Variants in B3GALT1 observed in about 807,000 individuals in gnomAD.
B3GALT1 encodes beta-1,3-galactosyltransferase 1.
Under a neutral mutation model 23.2 loss-of-function variants are expected in B3GALT1, and 10 were observed. That is an observed-to-expected ratio of 0.43 (90% CI 0.27 to 0.73). B3GALT1 has a LOEUF of 0.73. Ranked by LOEUF, B3GALT1 falls within the 30% of genes least tolerant of loss-of-function variation. B3GALT1 has a pLI of 0.21. For missense variants in B3GALT1, 299 were observed against 405.4 expected, an observed-to-expected ratio of 0.74 and a Z score of 2.25; for synonymous variants, 156 against 141.5, an observed-to-expected ratio of 1.10 and a Z score of -0.73.
intron 2 of B3GALT1, among the ~76,000 whole-genome samples, chr2:167,592,187 A>T (rs1298314173): frequency 6.6e-6 from 1 of 152,178 alleles, no homozygotes; most frequent in Non-Finnish European, 1.5e-5. Flanking sequence ...CTGGAATTCA[A>T]AGTGGAGATC....
At chr2:167,493,280 A>G (rs1382159777) in intron 2 of B3GALT1, among the ~76,000 whole-genome samples, 14 of 152,154 alleles carry the variant, frequency 9.2e-5, no homozygotes. Flanking sequence ...GATGATACCA[A>G]CTTCACTGGT....
At chr2:167,458,555 A>G (rs1016568032) in intron 1 of B3GALT1, among the ~76,000 whole-genome samples, 6 of 152,210 alleles carry the variant, frequency 3.9e-5, no homozygotes, top group African/African-American at 1.4e-4. Context: ...CACCAGCTGT[A>G]CTATTGTACG....
intron 3 of B3GALT1, among the ~76,000 whole-genome samples, chr2:167,752,671 G>C (rs1035733927): frequency 7.0e-6 from 1 of 142,158 alleles, no homozygotes; most frequent in Non-Finnish European, 1.5e-5. Flanking sequence ...AAGTGCACTC[G>C]GATTCTTAGA....
Position 167,459,024 on chromosome 2 carries a change from T to A in B3GALT1, c.-510-31153T>A, listed in dbSNP as rs1699215981. ...TGCCTTTGGATATAAAAGTGAGTCA[T>A]CTGTAGACAGAATGTAGTTGGATTT... On this transcript the variant is annotated intron_variant, in intron 1 of 4. Transcript: ENST00000392690. Among the ~76,000 whole-genome samples, 3 of 152,182 alleles carry A rather than the reference T, an allele frequency of 2.0e-5. No individual in the cohort carries two copies. The South Asian group carries it at 6.2e-4, about 31-fold the overall frequency.
chr2:167,721,187 GC>G (rs1687227281), intron 3 of B3GALT1, among the ~76,000 whole-genome samples: 1 of 152,090 alleles, frequency 6.6e-6, no homozygotes, highest in South Asian at 2.1e-4. Flanking sequence ...TAGTTTATGT[GC>G]TAAAGCAAAT....
chr2:167,868,199 A>G (rs1690270756), intron 4 of B3GALT1, among the ~76,000 whole-genome samples: 1 of 152,220 alleles, frequency 6.6e-6, no homozygotes, highest in East Asian at 1.9e-4. Flanking sequence ...AGAAAATTAG[A>G]ATTAGAGCTA....
intron 3 of B3GALT1, among the ~76,000 whole-genome samples, chr2:167,785,891 C>G (rs1688335584): frequency 6.6e-6 from 1 of 152,172 alleles, no homozygotes; most frequent in Non-Finnish European, 1.5e-5. Context: ...GTTGACAAAG[C>G]TCTGTTCACC....
chr2:167,485,666 G>A (rs569376092), intron 1 of B3GALT1, among the ~76,000 whole-genome samples: 3 of 152,268 alleles, frequency 2.0e-5, no homozygotes, highest in African/African-American at 7.2e-5. Context: ...CATGAAGACT[G>A]CCACATCCTA....
chr2:167,805,698 GGTA>G (rs1688738150), intron 3 of B3GALT1, among the ~76,000 whole-genome samples: 1 of 152,048 alleles, frequency 6.6e-6, no homozygotes. Context: ...TCTCTGTTTT[GGTA>G]CCAGTACCAT....
At chr2:167,854,867 C>T (rs965625272) in intron 4 of B3GALT1, among the ~76,000 whole-genome samples, 3 of 152,156 alleles carry the variant, frequency 2.0e-5, no homozygotes, top group African/African-American at 7.2e-5. Context: ...GATGCCATCT[C>T]TTAAGTTCTT....
chr2:167,456,944 C>T (rs976019345), intron 1 of B3GALT1, among the ~76,000 whole-genome samples: 2 of 152,146 alleles, frequency 1.3e-5, no homozygotes, highest in African/African-American at 4.8e-5. Context: ...CCCCCTCCTT[C>T]GCTCCTTGGA....
intron 3 of B3GALT1, among the ~76,000 whole-genome samples, chr2:167,728,356 C>T (rs1687352537): frequency 6.6e-6 from 1 of 152,154 alleles, no homozygotes; most frequent in Non-Finnish European, 1.5e-5. Flanking sequence ...CACTGCACTC[C>T]AGCCTGGGTG....
intron 1 of B3GALT1, among the ~76,000 whole-genome samples, chr2:167,395,873 C>A (rs1293676420): frequency 6.6e-6 from 1 of 152,040 alleles, no homozygotes; most frequent in African/African-American, 2.4e-5. Flanking sequence ...TTATTACATA[C>A]ATTGCTGGTT....
At chr2:167,532,305 T>C (rs1220302370) in intron 2 of B3GALT1, among the ~76,000 whole-genome samples, 1 of 152,298 alleles carries the variant, frequency 6.6e-6, no homozygotes, top group Non-Finnish European at 1.5e-5. Context: ...TGTAGCATAA[T>C]AAAGAAATGT....
At chr2:167,739,931 AAAACAAAC>A (rs1340713530) in intron 3 of B3GALT1, among the ~76,000 whole-genome samples, 148 of 104,622 alleles carry the variant, frequency 1.4e-3, no homozygotes, top group African/African-American at 3.9e-3. Flanking sequence ...TCTCTACAAA[AAAACAAAC>A]AAAAAAAAAA....
intron 1 of B3GALT1, among the ~76,000 whole-genome samples, chr2:167,384,890 A>G (rs1697903531): frequency 6.6e-6 from 1 of 151,874 alleles, no homozygotes; most frequent in Non-Finnish European, 1.5e-5. Context: ...TTGTCCCAAA[A>G]GTTTCCAAAA....
chr2:167,792,306 A>G (rs1252425535), intron 3 of B3GALT1, among the ~76,000 whole-genome samples: 1 of 152,218 alleles, frequency 6.6e-6, no homozygotes, highest in African/African-American at 2.4e-5. Context: ...TGAGCAGATC[A>G]CTAGATTGCA....
At chr2:167,607,239 A>T (rs949022504) in intron 2 of B3GALT1, among the ~76,000 whole-genome samples, 1 of 152,234 alleles carries the variant, frequency 6.6e-6, no homozygotes, top group African/African-American at 2.4e-5. Flanking sequence ...ACTGCATTGC[A>T]ATGAGTCCTA....
intron 3 of B3GALT1, among the ~76,000 whole-genome samples, chr2:167,687,988 T>C (rs1686644646): frequency 6.6e-6 from 1 of 152,170 alleles, no homozygotes; most frequent in South Asian, 2.1e-4. Context: ...GGTCTGTTCT[T>C]AACTTTTTTC....
Sources: allele counts gnomAD v4.1 joint callset (sites outside exome capture counted in the v4.1 genomes callset), GRCh38; gene constraint gnomAD v4.1.1; transcripts MANE v1.5; gene names NCBI Gene and HGNC (gene_info 2026-07-23, HGNC 2026-07-21).